Variants in C16orf96 observed in about 807,000 individuals in gnomAD.
C16orf96 encodes the protein chromosome 16 open reading frame 96.
Under a neutral mutation model 103.6 loss-of-function variants are expected in C16orf96, and 108 were observed. That is an observed-to-expected ratio of 1.04 (90% CI 0.89 to 1.22). The LOEUF is 1.22. C16orf96 is among the 50% of genes most tolerant of loss of function. C16orf96 has a pLI of 0.00. For synonymous variants in C16orf96, 566 were observed against 593.5 expected (o/e 0.95, Z 0.67); for missense variants, 1,586 against 1,464.2 (o/e 1.08, Z -1.36).
intron 1 of C16orf96, chr16:4,560,605 A>G (rs956553501): frequency 1.3e-5 from 2 of 152,134 alleles, no homozygotes; most frequent in Admixed American, 1.3e-4. Flanking sequence ...AAAAAAAAAC[A>G]TGACCTAACT....
chr16:4,569,407 C>A (rs185414024), intron 1 of C16orf96, among the ~76,000 whole-genome samples: 10 of 152,260 alleles, frequency 6.6e-5, no homozygotes, highest in Admixed American at 5.9e-4. Context: ...AAATTATTTT[C>A]TCTTCCTTTC....
At chr16:4,558,913 CA>C (rs771691344) in intron 1 of C16orf96, among the ~76,000 whole-genome samples, 8,223 of 51,372 alleles carry the variant, frequency 0.16, 428 homozygotes, top group African/African-American at 0.3. Flanking sequence ...GACTCTGTCT[CA>C]AAAAAAAAAA....
In C16orf96 at chr16:4,575,800, A is replaced by T. The variant is rs1310144950; in HGVS notation, c.1320A>T (p.Pro440=). 3.9e-6 allele frequency: 6 copies of T among 1,551,028 alleles called. No homozygotes were observed. Among genetic ancestry groups the T allele is most frequent in the Non-Finnish European group, 5.2e-6 (6 of 1,146,974 alleles). Residue 440 remains proline (P), a synonymous_variant, in exon 5 of 16, where the codon CCA becomes CCT. Transcript: ENST00000444310. ...CATTGTGGCCTCGACCACTCCAGCC[A>T]TATCAGTCTCGCCAGGGAGAAGCCC... The part of the protein sequence containing the change: ...FGSLWPRPLQ[P]YQSRQGEALQ...
upstream of C16orf96, among the ~76,000 whole-genome samples, chr16:4,552,822 T>G (rs1181532037): frequency 6.6e-6 from 1 of 152,218 alleles, no homozygotes; most frequent in Non-Finnish European, 1.5e-5. Context: ...TTGCCAATGC[T>G]TGGTGTTGCC....
rs1020801601 is a variant in C16orf96, at chr16:4,590,686, C to T, written c.2593-980C>T. Among the ~76,000 whole-genome samples the T allele has an allele frequency of 1.0e-3, 155 of 150,708 alleles. 3 individuals are homozygous for T. Among genetic ancestry groups the T allele is most frequent in the Admixed American group, 7.3e-4 (11 of 15,148 alleles). ...GATCATGAAGTCAGGAGTTTGAGAC[C>T]AGCCTGGCCAATATGGTGAAACCCC... On this transcript the variant is annotated intron_variant, in intron 9 of 15. Coordinates refer to ENST00000444310, the MANE Select transcript of C16orf96 (RefSeq NM_001145011.2).
chr16:4,557,045 C>G (rs2059273123), intron 1 of C16orf96, 136 bp downstream of exon 1: 1 of 992,992 alleles, frequency 1.0e-6, no homozygotes, highest in East Asian at 2.7e-5. Context: ...TCTTGGCTCA[C>G]TGCAACCTCC....
intron 5 of C16orf96, among the ~76,000 whole-genome samples, chr16:4,577,392 C>T (rs556034972): frequency 6.6e-6 from 1 of 151,944 alleles, no homozygotes; most frequent in South Asian, 2.1e-4. Flanking sequence ...TAGCTGTGTG[C>T]GGTGGCTCAC....
chr16:4,563,127 T>C, intron 1 of C16orf96: 1 of 781,582 alleles, frequency 1.3e-6, no homozygotes, highest in Admixed American at 1.9e-5. Flanking sequence ...TTTAAGTTTT[T>C]GTCAACCTCA....
intron 9 of C16orf96, among the ~76,000 whole-genome samples, chr16:4,591,236 T>A (rs1251199527): frequency 6.6e-6 from 1 of 152,184 alleles, no homozygotes; most frequent in Non-Finnish European, 1.5e-5. Context: ...CGATTGATTA[T>A]GATGGTCACA....
At position 4,576,183 on chromosome 16, in the gene C16orf96, C is replaced by A. The variant is rs2141721708; in HGVS notation, c.1703C>A (p.Ala568Asp). 1 of 1,550,530 alleles carries A rather than the reference C, an allele frequency of 6.4e-7. No individual in the cohort carries two copies. The highest frequency in any genetic ancestry group is 2.4e-5 in the East Asian group (1 of 40,916). The change falls in exon 5 of 16, where the codon GCT (alanine) becomes GAT (aspartate). Residue 568 changes from alanine to aspartate, a missense_variant. Ala to Asp is a moderately radical substitution (Grantham distance 126, BLOSUM62 -2). Coordinates refer to ENST00000444310, the MANE Select transcript of C16orf96 (RefSeq NM_001145011.2). ...GCCCTTCACCGGCTGAAAACCACCGCTGCCATCGCCGCCGCTGCCGCCGCA... is the reference window on the plus strand; with the variant it reads ...GCCCTTCACCGGCTGAAAACCACCGATGCCATCGCCGCCGCTGCCGCCGCA... ...QSALHRLKTTAAIAAAAAAAY... is the reference protein window; with the variant it reads ...QSALHRLKTTDAIAAAAAAAY...
intron 7 of C16orf96, among the ~76,000 whole-genome samples, chr16:4,584,854 A>G (rs1282064774): frequency 6.6e-6 from 1 of 151,830 alleles, no homozygotes; most frequent in Non-Finnish European, 1.5e-5. Context: ...TATTTTTAGT[A>G]GAGATGGGGT....
Position 4,593,219 on chromosome 16 carries a change from AACAG to A in C16orf96, c.2775_2778del. On this transcript the variant is annotated splice_acceptor_variant and splice_polypyrimidine_tract_variant and intron_variant, in intron 11 of 15. Transcript: ENST00000444310. LOFTEE classifies it high-confidence loss of function. The surrounding 1 kb of genome is among the most constrained non-coding windows in gnomAD (Gnocchi z 4.2). The stretch of plus-strand genomic sequence containing the variant: ...AGCCCCTGCTGTGCCCTTGTCCTCC[AACAG>A]ACAGCTGATCACCATCCGCAAAGCC... The A allele has an allele frequency of 6.4e-7, 1 of 1,550,820 alleles. No homozygotes were observed. Among genetic ancestry groups the A allele is most frequent in the Non-Finnish European group, 8.7e-7 (1 of 1,146,668 alleles).
In C16orf96 at chr16:4,592,328, G is replaced by T. The variant is rs964295007; in HGVS notation, c.2735G>T (p.Cys912Phe). The T allele has an allele frequency of 7.7e-6, 12 of 1,551,558 alleles. No individual in the cohort carries two copies. The African/African-American group carries it at 9.6e-5, about 12-fold the overall frequency. Residue 912 changes from cysteine (C) to phenylalanine (F), a missense_variant, in exon 11 of 16, where the codon TGC becomes TTC. Cys to Phe is a radical substitution (Grantham distance 205). Transcript: ENST00000444310. ...FRRKLFKRVK[C>F]ISCDRPVEMM... The stretch of plus-strand genomic sequence containing the variant: ...AGGAAGCTGTTCAAGCGCGTGAAGT[G>T]CATCTCCTGTGACCGGCCTGTGGAG...
At chr16:4,559,330 G>A (rs1246050580) in intron 1 of C16orf96, among the ~76,000 whole-genome samples, 2 of 151,968 alleles carry the variant, frequency 1.3e-5, no homozygotes, top group Non-Finnish European at 2.9e-5. Flanking sequence ...GTCACTTGAG[G>A]TCAGGAGTTC....
chr16:4,580,198 C>T, intron 7 of C16orf96, 73 bp downstream of exon 7: 1 of 1,232,344 alleles, frequency 8.1e-7, no homozygotes. Context: ...CTGGCCCTTC[C>T]CGAAGGTTCT....
chr16:4,587,670 C>A (rs146823872), intron 8 of C16orf96, among the ~76,000 whole-genome samples: 55 of 152,174 alleles, frequency 3.6e-4, no homozygotes, highest in African/African-American at 1.1e-3. Context: ...CAGGGTGGCT[C>A]ATACCTGTAA....
At chr16:4,563,200 G>A (rs1005448532) in intron 1 of C16orf96, 8 of 638,244 alleles carry the variant, frequency 1.3e-5, no homozygotes, top group Admixed American at 4.2e-5. Flanking sequence ...GCATCGCTTC[G>A]CTCGGCTCTA....
intron 1 of C16orf96, chr16:4,562,763 G>T: frequency 1.1e-6 from 1 of 874,092 alleles, no homozygotes; most frequent in East Asian, 2.7e-5. Context: ...TAAAAAGACA[G>T]ATTAAAACAA....
intron 1 of C16orf96, among the ~76,000 whole-genome samples, chr16:4,558,061 G>T (rs1318998676): frequency 6.6e-6 from 1 of 152,218 alleles, no homozygotes; most frequent in Non-Finnish European, 1.5e-5. Context: ...CCTAGCAGGG[G>T]AGATAGACAC....
Sources: allele counts gnomAD v4.1 joint callset (sites outside exome capture counted in the v4.1 genomes callset), GRCh38; gene constraint gnomAD v4.1.1; non-coding constraint Gnocchi (gnomAD v3.1); transcripts MANE v1.5; gene names NCBI Gene and HGNC (gene_info 2026-07-23, HGNC 2026-07-21).